Variants in MERTK observed in about 807,000 individuals in gnomAD.
MERTK encodes tyrosine-protein kinase Mer.
MERTK carries 69 observed loss-of-function variants against 99.3 expected under a neutral mutation model. That is an observed-to-expected ratio of 0.70 (90% CI 0.57 to 0.85). MERTK has a LOEUF of 0.85. Ranked by LOEUF, MERTK falls within the 40% of genes least tolerant of loss-of-function variation. The pLI, the probability that MERTK is intolerant of heterozygous loss-of-function variation, is 0.00. For missense variants in MERTK, 1,125 were observed against 1,249.4 expected, an observed-to-expected ratio of 0.90 and a Z score of 1.50; for synonymous variants, 426 against 467.6, an observed-to-expected ratio of 0.91 and a Z score of 1.15.
chr2:111,976,522 C>CTGTG (rs70962971), intron 7 of MERTK, among the ~76,000 whole-genome samples: 6,725 of 136,682 alleles, frequency 0.049, 193 homozygotes, highest in Non-Finnish European at 0.059. Flanking sequence ...TGACAAAAAC[C>CTGTG]TGTGTGTGTG....
chr2:111,946,143 C>G (rs539592937), intron 3 of MERTK, among the ~76,000 whole-genome samples: 3 of 152,116 alleles, frequency 2.0e-5, no homozygotes, highest in Non-Finnish European at 4.4e-5. Flanking sequence ...AGAGGAGTCT[C>G]TTCATGACCT....
At chr2:111,944,840 A>G in intron 2 of MERTK, 120 bp from the exon 3 acceptor site, 1 of 851,960 alleles carries the variant, frequency 1.2e-6, no homozygotes, top group Non-Finnish European at 1.9e-6. Context: ...TGGCCTAGCC[A>G]AGCTGACATA....
intron 18 of MERTK, among the ~76,000 whole-genome samples, chr2:112,023,327 T>C (rs2104425501): frequency 6.6e-6 from 1 of 152,100 alleles, no homozygotes; most frequent in South Asian, 2.1e-4. Context: ...GGCAGGAGAA[T>C]GGCGTGAACC....
At chr2:112,013,488 A>G (rs539161943) in intron 15 of MERTK, 67 of 154,510 alleles carry the variant, frequency 4.3e-4, no homozygotes, top group Admixed American at 1.2e-3. Flanking sequence ...ACGTCACTAC[A>G]TACACACTTG....
chr2:112,001,296 C>T lies in MERTK; in HGVS notation c.1690+10C>T, dbSNP rs764617009. ...GCCATTGAACTTACCTGTAAGTTGA[C>T]TTTCATTTCCCTTTTTGGCAAAAGT... is the stretch of plus-strand genomic sequence containing the variant. On this transcript the variant is annotated intron_variant, in intron 11 of 18. Coordinates refer to ENST00000295408, the MANE Select transcript of MERTK (RefSeq NM_006343.3). 3.1e-6 allele frequency: 5 copies of T among 1,600,860 alleles called. No individual in the cohort carries two copies. The highest frequency in any genetic ancestry group is 4.3e-6 in the Non-Finnish European group (5 of 1,167,942).
At chr2:111,910,502 T>C (rs779914410) in intron 1 of MERTK, among the ~76,000 whole-genome samples, 84 of 151,772 alleles carry the variant, frequency 5.5e-4, no homozygotes, top group Non-Finnish European at 9.1e-4. Context: ...ACTCCTGACC[T>C]CAGGTGATCC....
At chr2:111,956,941 TTTTTTC>T (rs1685158893) in intron 4 of MERTK, among the ~76,000 whole-genome samples, 1 of 141,736 alleles carries the variant, frequency 7.1e-6, no homozygotes. Context: ...TCTTTTTTTC[TTTTTTC>T]TTTTTTTTTT....
chr2:111,955,436 G>C (rs935100106), intron 4 of MERTK, among the ~76,000 whole-genome samples: 1 of 152,116 alleles, frequency 6.6e-6, no homozygotes, highest in African/African-American at 2.4e-5. Flanking sequence ...GTTAGGTTTG[G>C]GGGTAGGATG....
intron 16 of MERTK, 111 bp from the exon 17 acceptor site, chr2:112,021,311 T>C (rs1394875035): frequency 2.6e-5 from 39 of 1,493,986 alleles, no homozygotes; most frequent in Non-Finnish European, 3.5e-5. Context: ...TGGTGGTGTC[T>C]CTGTGTTCTT....
chr2:111,918,787 A>G (rs890436524), intron 1 of MERTK, among the ~76,000 whole-genome samples: 3 of 152,226 alleles, frequency 2.0e-5, no homozygotes, highest in African/African-American at 7.2e-5. Flanking sequence ...TGTGGATGCC[A>G]GACACTGTGC....
rs1480013539 is a variant in MERTK, at chr2:111,973,068, A to G, written c.961-2221A>G. 2.0e-5 allele frequency among the ~76,000 whole-genome samples: 3 copies of G among 152,124 alleles called. No individual in the cohort carries two copies. In the East Asian group the frequency reaches 5.8e-4, roughly 29 times the overall value. ...TTTTCTTCACCCATTTTTGGGCCAC[A>G]CACTCCATTTCTAATTTTAGCTCTC... On this transcript the variant is annotated intron_variant, in intron 6 of 18. Transcript: ENST00000295408.
intron 1 of MERTK, among the ~76,000 whole-genome samples, chr2:111,925,292 A>ATATATATATATATATATATAT (rs372747015): frequency 1.2e-4 from 3 of 24,484 alleles, no homozygotes; most frequent in Non-Finnish European, 2.2e-4. Flanking sequence ...ATATATATAT[A>ATATATATATATATATATATAT]TTTTTTTTTT....
At chr2:111,953,935 T>A (rs1407923961) in intron 4 of MERTK, among the ~76,000 whole-genome samples, 1 of 152,218 alleles carries the variant, frequency 6.6e-6, no homozygotes, top group African/African-American at 2.4e-5. Context: ...TCCACCACCA[T>A]GGCCTTAATT....
In MERTK at chr2:111,965,734, CCTG is replaced by C. The variant is rs573559563; in HGVS notation, c.844+461_844+463del. ...CCCTGTCCTTCCCAGGTCAGCGGGG[CCTG>C]CTGACTGACTCCCTGCCACCTACTG... On this transcript the variant is annotated intron_variant, in intron 5 of 18. Transcript: ENST00000295408. Among the ~76,000 whole-genome samples, 980 of 152,202 alleles carry C rather than the reference CCTG, an allele frequency of 6.4e-3. 13 individuals carry two copies. The highest frequency in any genetic ancestry group is 0.023 in the African/African-American group (944 of 41,498).
chr2:111,950,002 A>G (rs1685027096), intron 4 of MERTK, among the ~76,000 whole-genome samples: 4 of 152,106 alleles, frequency 2.6e-5, no homozygotes, highest in South Asian at 4.1e-4. Flanking sequence ...CAGTGGCTCA[A>G]TCTTGGCTTA....
In MERTK at chr2:112,022,266, T is replaced by G; in HGVS notation, c.2358T>G (p.Phe786Leu). The G allele has an allele frequency of 6.2e-7, 1 of 1,614,240 alleles. No homozygotes were observed. The highest frequency in any genetic ancestry group is 8.5e-7 in the Non-Finnish European group (1 of 1,180,048). Residue 786 changes from phenylalanine (F) to leucine (L), a missense_variant, in exon 18 of 19, where the codon TTT becomes TTG. Phe to Leu is a conservative substitution (Grantham distance 22). Coordinates refer to ENST00000295408, the MANE Select transcript of MERTK (RefSeq NM_006343.3). ...VYTSKSDVWAFGVTMWEIATR... is the reference protein window; with the variant it reads ...VYTSKSDVWALGVTMWEIATR... The stretch of plus-strand genomic sequence containing the variant: ...TGTTGCTTTGTTCCCAGTGGGCATT[T>G]GGCGTGACCATGTGGGAAATAGCTA...
chr2:112,022,995 G>T (rs1311045012), intron 18 of MERTK, among the ~76,000 whole-genome samples: 1 of 152,082 alleles, frequency 6.6e-6, no homozygotes. Context: ...ATGCTCCCTG[G>T]GGCTGGGCGC....
intron 6 of MERTK, among the ~76,000 whole-genome samples, chr2:111,972,704 C>G (rs1004210212): frequency 3.3e-5 from 5 of 152,120 alleles, no homozygotes; most frequent in African/African-American, 7.2e-5. Context: ...CCAGATTTGG[C>G]AAATAAGAAT....
chr2:111,957,073 G>T (rs1164928620), intron 4 of MERTK, among the ~76,000 whole-genome samples: 2 of 151,862 alleles, frequency 1.3e-5, no homozygotes, highest in Non-Finnish European at 2.9e-5. Context: ...GACTACAGGG[G>T]CCAGCCACCT....
Sources: gnomAD v4.1 joint callset for allele counts (sites outside exome capture counted in the v4.1 genomes callset) on GRCh38, gnomAD v4.1.1 for gene constraint, MANE v1.5 for transcripts, NCBI Gene and HGNC (gene_info 2026-07-23, HGNC 2026-07-21) for gene names.